MSI2: variants seen among roughly 807,000 people sequenced by gnomAD.
The protein encoded by MSI2 is musashi RNA binding protein 2.
A neutral mutation model predicts 45.6 loss-of-function variants in MSI2; 17 were observed. That is an observed-to-expected ratio of 0.37 (90% CI 0.26 to 0.56). The LOEUF (loss-of-function observed/expected upper bound fraction) is 0.56. Among genes scored for constraint, MSI2 ranks in the 20% least tolerant of loss-of-function variants. The pLI, the probability that MSI2 is intolerant of heterozygous loss-of-function variation, is 0.77. For synonymous variants in MSI2, 156 were observed against 158.2 expected (o/e 0.99, Z 0.11); for missense variants, 293 against 444.2 (o/e 0.66, Z 3.06).
downstream of MSI2, among the ~76,000 whole-genome samples, chr17:57,686,867 G>A (rs1913894314): frequency 6.6e-6 from 1 of 152,114 alleles, no homozygotes; most frequent in Non-Finnish European, 1.5e-5. Context: ...TAAAGACATA[G>A]AAGAATTGAA....
Position 57,407,945 on chromosome 17 carries a change from A to G in MSI2, c.405+6474A>G, listed in dbSNP as rs2143159292. On this transcript the variant is annotated intron_variant, in intron 6 of 13. Coordinates refer to ENST00000284073, the MANE Select transcript of MSI2 (RefSeq NM_138962.4). The surrounding 1 kb of genome is among the most constrained non-coding windows in gnomAD (Gnocchi z 4.1). ...CAAGCTGCTCAGTGGGAAACAGCAC[A>G]GCGAGTAGACAGGAGAATCCTGCTT... Among the ~76,000 whole-genome samples the G allele has an allele frequency of 6.6e-6, 1 of 152,346 alleles. No individual in the cohort carries two copies. Among genetic ancestry groups the G allele is most frequent in the East Asian group, 1.9e-4 (1 of 5,186 alleles).
intron 6 of MSI2, among the ~76,000 whole-genome samples, chr17:57,521,605 A>G (rs775516216): frequency 1.3e-5 from 2 of 152,108 alleles, no homozygotes; most frequent in South Asian, 4.1e-4. Flanking sequence ...TGAACTTCTA[A>G]TCTTTAGGCA....
intron 6 of MSI2, among the ~76,000 whole-genome samples, chr17:57,435,558 C>G (rs1317899134): frequency 1.3e-5 from 2 of 152,158 alleles, no homozygotes; most frequent in African/African-American, 4.8e-5. Flanking sequence ...GGCTTTAATG[C>G]CCAGCTCAAT....
rs567760111 is a variant in MSI2 at position 57,673,684 on chromosome 17, G to A, written c.791-1288G>A. ...CCTGGTTAACTGGTTGACAGGCTGC[G>A]GCCCTCATTAGGGTCAGAATGATGG... is the stretch of plus-strand genomic sequence containing the variant. On this transcript the variant is annotated intron_variant, in intron 11 of 13. Transcript: ENST00000284073. Among the ~76,000 whole-genome samples the A allele has an allele frequency of 5.3e-4, 80 of 152,000 alleles. 2 individuals carry two copies. The highest frequency in any genetic ancestry group is 9.2e-4 in the Admixed American group (14 of 15,290).
rs117626042 is a variant in MSI2, at chr17:57,486,290, C to G, written c.406-43386C>G. Among the ~76,000 whole-genome samples the G allele has an allele frequency of 6.6e-5, 10 of 152,334 alleles. No homozygotes were observed. In the East Asian group the frequency reaches 1.9e-3, roughly 29 times the overall value. ...CAGAAATGAATTTACAAGGGGCTCT[C>G]TCCTAGCCTTGTGGAATTAGAGCAG... On this transcript the variant is annotated intron_variant, in intron 6 of 13. Transcript: ENST00000284073.
rs575520105 is a variant in MSI2, at chr17:57,622,421, G to A, written c.653-4808G>A. On this transcript the variant is annotated intron_variant, in intron 9 of 13. Transcript: ENST00000284073. ...AATCCCACTGCCTTTAACTTTCTTG[G>A]CCTCGTTGGGCACATGCTGTTTATT... Among the ~76,000 whole-genome samples the A allele has an allele frequency of 1.4e-4, 22 of 152,252 alleles. No homozygotes were observed. In the South Asian group the frequency reaches 4.1e-3, roughly 29 times the overall value.
chr17:57,501,676 C>G (rs2086109984), intron 6 of MSI2, among the ~76,000 whole-genome samples: 1 of 152,212 alleles, frequency 6.6e-6, no homozygotes, highest in Non-Finnish European at 1.5e-5. Context: ...TGATTCATCT[C>G]CCCTCACTAC....
chr17:57,426,840 G>C (rs76856212), intron 6 of MSI2, among the ~76,000 whole-genome samples: 5,378 of 152,322 alleles, frequency 0.035, 111 homozygotes, highest in Middle Eastern at 0.085. Flanking sequence ...GAGGTCTGCA[G>C]TGTTCAGCGT....
chr17:57,642,668 AG>A (rs986752292), intron 10 of MSI2, among the ~76,000 whole-genome samples: 57 of 152,222 alleles, frequency 3.7e-4, no homozygotes, highest in Admixed American at 7.2e-4. Flanking sequence ...AGCAACTCTA[AG>A]CTCCATGAGG....
chr17:57,699,637 C>T, the MSI2 span, among the ~76,000 whole-genome samples: 1 of 152,128 alleles, frequency 6.6e-6, no homozygotes, highest in Non-Finnish European at 1.5e-5. Context: ...AGTGGCTGAT[C>T]CACTGGTCAT....
chr17:57,343,224 A>G (rs1811330122), intron 5 of MSI2, among the ~76,000 whole-genome samples: 1 of 152,146 alleles, frequency 6.6e-6, no homozygotes, highest in Non-Finnish European at 1.5e-5. Context: ...CTAAGCTTAG[A>G]AGGAGGACAG....
chr17:57,587,786 A>C (rs2144403121), intron 7 of MSI2, among the ~76,000 whole-genome samples: 1 of 152,296 alleles, frequency 6.6e-6, no homozygotes, highest in Middle Eastern at 3.4e-3. Flanking sequence ...AATTAAACTA[A>C]GTGTCAACTT....
At chr17:57,466,484 T>C (rs548451736) in intron 6 of MSI2, among the ~76,000 whole-genome samples, 2 of 152,316 alleles carry the variant, frequency 1.3e-5, no homozygotes, top group South Asian at 2.1e-4. Flanking sequence ...CAGACAGATA[T>C]TGAAAATGTC....
At chr17:57,696,322 C>T in the MSI2 span, among the ~76,000 whole-genome samples, 1 of 152,210 alleles carries the variant, frequency 6.6e-6, no homozygotes, top group Non-Finnish European at 1.5e-5. Context: ...GAGGAACCCT[C>T]TCCAGCCAAG....
At chr17:57,453,366 A>T (rs868685268) in intron 6 of MSI2, among the ~76,000 whole-genome samples, 8 of 152,108 alleles carry the variant, frequency 5.3e-5, no homozygotes, top group African/African-American at 1.7e-4. Flanking sequence ...TTTTCAGGGC[A>T]TCTTGTGACA....
At chr17:57,434,465 A>G (rs551814979) in intron 6 of MSI2, among the ~76,000 whole-genome samples, 7 of 152,282 alleles carry the variant, frequency 4.6e-5, no homozygotes, top group South Asian at 2.1e-4. Flanking sequence ...TGTTCTGTAG[A>G]TCACTGGAAC....
intron 5 of MSI2, among the ~76,000 whole-genome samples, chr17:57,317,011 A>G (rs1912903777): frequency 6.6e-6 from 1 of 151,740 alleles, no homozygotes. Flanking sequence ...ATTGCCCACA[A>G]GAGTGCTCAA....
chr17:57,686,637 TA>T (rs1913891001), downstream of MSI2, among the ~76,000 whole-genome samples: 2 of 152,126 alleles, frequency 1.3e-5, no homozygotes, highest in African/African-American at 2.4e-5. Context: ...GAGTGGAATT[TA>T]AGGTTAAAAA....
At chr17:57,521,262 C>T (rs1038943230) in intron 6 of MSI2, among the ~76,000 whole-genome samples, 2 of 152,136 alleles carry the variant, frequency 1.3e-5, no homozygotes, top group Admixed American at 1.3e-4. Flanking sequence ...GACTCAAAAG[C>T]CCAGCATCTG....
Sources: allele counts gnomAD v4.1 joint callset (sites outside exome capture counted in the v4.1 genomes callset), GRCh38; gene constraint gnomAD v4.1.1; non-coding constraint Gnocchi (gnomAD v3.1); transcripts MANE v1.5; gene names NCBI Gene and HGNC (gene_info 2026-07-23, HGNC 2026-07-21).